The following ACYP2 variants were observed in gnomAD, a reference collection of about 807,000 sequenced individuals.
ACYP2 encodes acylphosphatase 2.
ACYP2 carries 12 observed loss-of-function variants against 11.2 expected under a neutral mutation model. The observed-to-expected ratio is 1.08, with a 90% confidence interval of 0.69 to 1.74. The LOEUF is 1.74. Among genes scored for constraint, ACYP2 ranks in the 40% most tolerant of loss-of-function variants. ACYP2 has a pLI of 0.00. For missense variants in ACYP2, 134 were observed against 101.9 expected (o/e 1.31, Z -1.35); for synonymous variants, 43 against 32.2 (o/e 1.33, Z -1.13).
At chr2:54,276,629 A>T (rs1412244709) in intron 6 of ACYP2, among the ~76,000 whole-genome samples, 1 of 86,612 alleles carries the variant, frequency 1.2e-5, no homozygotes, top group Non-Finnish European at 2.2e-5. Flanking sequence ...TCACACACAC[A>T]CACACACACA....
intron 5 of ACYP2, among the ~76,000 whole-genome samples, chr2:54,137,058 G>C (rs1357642751): frequency 6.6e-6 from 1 of 152,068 alleles, no homozygotes; most frequent in East Asian, 1.9e-4. Flanking sequence ...AAATCAAAAT[G>C]TTGCTACTTA....
At chr2:53,983,248 G>A (rs756083855) in intron 2 of ACYP2, among the ~76,000 whole-genome samples, 5 of 152,146 alleles carry the variant, frequency 3.3e-5, no homozygotes, top group Admixed American at 3.3e-4. Context: ...GCTCACGTCT[G>A]TAATCCCAGC....
chr2:54,082,487 G>C (rs2018747), intron 4 of ACYP2: 56,972 of 151,982 alleles, frequency 0.37, 11,531 homozygotes, highest in East Asian at 0.71. Context: ...CTCAGGCAAT[G>C]TCCCTGCCTC....
intron 6 of ACYP2, among the ~76,000 whole-genome samples, chr2:54,263,411 A>G (rs969808443): frequency 1.3e-5 from 2 of 152,194 alleles, no homozygotes; most frequent in African/African-American, 4.8e-5. Context: ...ACATTTCAAC[A>G]TGAGATTTGA....
intron 2 of ACYP2, among the ~76,000 whole-genome samples, chr2:54,010,358 C>T (rs1175357358): frequency 2.0e-5 from 3 of 152,038 alleles, no homozygotes; most frequent in East Asian, 3.9e-4. Flanking sequence ...GTGGTGGGCA[C>T]CTGTAATCCC....
At chr2:53,977,188 C>T (rs902855298) in intron 2 of ACYP2, among the ~76,000 whole-genome samples, 6 of 152,068 alleles carry the variant, frequency 3.9e-5, no homozygotes, top group Admixed American at 3.3e-4. Context: ...GCTGGGACTA[C>T]AGGCACCCGC....
intron 6 of ACYP2, among the ~76,000 whole-genome samples, chr2:54,251,642 G>A (rs992425255): frequency 6.6e-6 from 1 of 152,128 alleles, no homozygotes; most frequent in African/African-American, 2.4e-5. Flanking sequence ...TGCATATCTT[G>A]TGAGCAAAGG....
chr2:53,989,309 A>G (rs2104516750), intron 2 of ACYP2, among the ~76,000 whole-genome samples: 1 of 143,398 alleles, frequency 7.0e-6, no homozygotes, highest in South Asian at 2.2e-4. Context: ...TTCACAGACA[A>G]GGATTCCCAG....
chr2:54,021,056 C>A (rs1673983294), intron 2 of ACYP2, among the ~76,000 whole-genome samples: 1 of 152,128 alleles, frequency 6.6e-6, no homozygotes, highest in Non-Finnish European at 1.5e-5. Context: ...GGGTTTTATT[C>A]CTGATGCAGG....
chr2:54,145,527 A>G (rs1681840602), intron 6 of ACYP2, among the ~76,000 whole-genome samples: 1 of 152,000 alleles, frequency 6.6e-6, no homozygotes, highest in Admixed American at 6.5e-5. Flanking sequence ...TGAATAGAGA[A>G]AAAAGGACAG....
intron 6 of ACYP2, among the ~76,000 whole-genome samples, chr2:54,216,070 TTA>T (rs558573404): frequency 3.9e-5 from 6 of 152,328 alleles, no homozygotes; most frequent in Non-Finnish European, 5.9e-5. Context: ...AGAATTTTTC[TTA>T]TGTGTTATGA....
intron 6 of ACYP2, among the ~76,000 whole-genome samples, chr2:54,185,920 G>C (rs961111340): frequency 6.6e-6 from 1 of 151,420 alleles, no homozygotes; most frequent in African/African-American, 2.4e-5. Flanking sequence ...ATAAGCAAAA[G>C]GTAAATTGTT....
At chr2:54,186,614 A>G (rs1038252183) in intron 6 of ACYP2, among the ~76,000 whole-genome samples, 1 of 152,030 alleles carries the variant, frequency 6.6e-6, no homozygotes, top group Admixed American at 6.6e-5. Context: ...CCCAGGTTCA[A>G]GTGATTCTTC....
chr2:54,129,955 T>C (rs1680802048), intron 4 of ACYP2, among the ~76,000 whole-genome samples: 2 of 150,068 alleles, frequency 1.3e-5, no homozygotes, highest in Admixed American at 1.3e-4. Context: ...TAAATTATTA[T>C]AGGATAGTTA....
At position 54,244,155 on chromosome 2, in the gene ACYP2, T is replaced by C. The variant is rs185123800; in HGVS notation, c.405-60533T>C. 1.2e-4 allele frequency among the ~76,000 whole-genome samples: 19 copies of C among 152,228 alleles called. No individual in the cohort carries two copies. The East Asian group carries it at 3.5e-3, about 28-fold the overall frequency. ...CACCTCTCCAGTTTTCTCAAGACAA[T>C]TGGAGTTGTTCGTCTTTTCCTCACT... is the stretch of plus-strand genomic sequence containing the variant. On this transcript the variant is annotated intron_variant, in intron 6 of 6. Transcript: ENST00000607452.
chr2:54,142,051 C>A, intron 6 of ACYP2: 1 of 401,442 alleles, frequency 2.5e-6, no homozygotes, highest in East Asian at 3.5e-5. Context: ...GTTGTTGTTG[C>A]TTTGTAGAGA....
intron 4 of ACYP2, among the ~76,000 whole-genome samples, chr2:54,067,133 A>G (rs1676790881): frequency 6.6e-6 from 1 of 152,256 alleles, no homozygotes; most frequent in Admixed American, 6.5e-5. Flanking sequence ...CATTATACAA[A>G]TGCAGATATT....
Position 54,304,752 on chromosome 2 carries a change from G to A in ACYP2, c.469G>A (p.Glu157Lys). Residue 157 changes from glutamate to lysine, a missense_variant, in exon 7 of 7, where the codon GAA becomes AAA. Transcript: ENST00000607452. ...CATTGACCGCACAAACTTTTCTAAT[G>A]AAAAAACCATCTCTAAGCTTGAATA... 1 of 1,611,646 alleles carries A rather than the reference G, an allele frequency of 6.2e-7. No individual in the cohort carries two copies. Among genetic ancestry groups the A allele is most frequent in the Non-Finnish European group, 8.5e-7 (1 of 1,179,376 alleles).
Position 54,065,352 on chromosome 2 carries a change from C to T in ACYP2, c.277+7992C>T, listed in dbSNP as rs77257483. 286 of 395,480 alleles carry T rather than the reference C, an allele frequency of 7.2e-4. No homozygotes were observed. The East Asian group carries it at 0.01, about 14-fold the overall frequency. 24.5% of individuals were successfully genotyped at this position (395,480 alleles called of 1,614,324 possible). A position where few individuals can be genotyped will look rare whatever the true frequency, so the allele number is the denominator to read the frequency against. On this transcript the variant is annotated intron_variant, in intron 4 of 6. Transcript: ENST00000607452. ...ACTTTGTTTAAATCCTGATTGCTATCGATAATTTAATGGCTGATCAAAATG... is the reference window on the plus strand; with the variant it reads ...ACTTTGTTTAAATCCTGATTGCTATTGATAATTTAATGGCTGATCAAAATG...
Sources: gnomAD v4.1 joint callset for allele counts (sites outside exome capture counted in the v4.1 genomes callset) on GRCh38, gnomAD v4.1.1 for gene constraint, MANE v1.5 for transcripts, NCBI Gene and HGNC (gene_info 2026-07-23, HGNC 2026-07-21) for gene names.